Variants in NARS2 observed in about 807,000 individuals in gnomAD.
NARS2 encodes asparaginyl-tRNA synthetase.
NARS2 carries 60 observed loss-of-function variants against 62.9 expected under a neutral mutation model. The observed-to-expected ratio is 0.95, with a 90% confidence interval of 0.77 to 1.18. NARS2 has a LOEUF of 1.18. Among genes scored for constraint, NARS2 ranks in the 50% most tolerant of loss-of-function variants. The pLI, the probability that NARS2 is intolerant of heterozygous loss-of-function variation, is 0.00. For synonymous variants in NARS2, 196 were observed against 200.0 expected (o/e 0.98, Z 0.17); for missense variants, 619 against 576.4 (o/e 1.07, Z -0.76).
In NARS2 at chr11:78,574,440, C is replaced by T. The variant is rs747408900; in HGVS notation, c.49G>A (p.Ala17Thr). The T allele has an allele frequency of 9.3e-6, 15 of 1,614,008 alleles. No homozygotes were observed. Among genetic ancestry groups the T allele is most frequent in the Non-Finnish European group, 1.2e-5 (14 of 1,180,024 alleles). The change falls in exon 1 of 14, where the codon GCC becomes ACC. Residue 17 changes from alanine to threonine, a missense_variant. Ala to Thr is a moderately conservative substitution (Grantham distance 58). Coordinates refer to ENST00000281038, the MANE Select transcript of NARS2 (RefSeq NM_024678.6). ...LLRSVRFCSSAPFPKHKPSAK... is the reference protein window; with the variant it reads ...LLRSVRFCSSTPFPKHKPSAK... ...GAAGGTTTGTGCTTGGGGAAGGGGG[C>T]GGAGGAACAGAAGCGCACGGACCGC...
At chr11:78,498,555 T>C (rs1219779338) in intron 6 of NARS2, among the ~76,000 whole-genome samples, 1 of 152,088 alleles carries the variant, frequency 6.6e-6, no homozygotes, top group Admixed American at 6.6e-5. Context: ...AAAGTATATA[T>C]CCATCTGCTT....
chr11:78,573,716 CTCATT>C (rs1263593658), intron 1 of NARS2, among the ~76,000 whole-genome samples: 1 of 152,148 alleles, frequency 6.6e-6, no homozygotes, highest in East Asian at 1.9e-4. Flanking sequence ...CTTCCATTAC[CTCATT>C]TAATTTTCAG....
chr11:78,480,524 G>T (rs7930329), intron 7 of NARS2, among the ~76,000 whole-genome samples: 2 of 151,576 alleles, frequency 1.3e-5, no homozygotes, highest in East Asian at 3.9e-4. Flanking sequence ...TAAAGTGTGG[G>T]GATTATAGGT....
intron 5 of NARS2, among the ~76,000 whole-genome samples, chr11:78,550,295 G>A (rs968987898): frequency 4.6e-5 from 7 of 152,122 alleles, no homozygotes; most frequent in African/African-American, 1.7e-4. Context: ...ACTTTCTATT[G>A]TTCTGTTTCA....
chr11:78,525,681 C>A (rs1020829672), intron 6 of NARS2, among the ~76,000 whole-genome samples: 1 of 152,134 alleles, frequency 6.6e-6, no homozygotes, highest in Non-Finnish European at 1.5e-5. Context: ...TCTTCCCAAA[C>A]CCCCATCCCC....
At chr11:78,538,399 C>G (rs939717695) in intron 5 of NARS2, among the ~76,000 whole-genome samples, 1 of 152,048 alleles carries the variant, frequency 6.6e-6, no homozygotes, top group African/African-American at 2.4e-5. Flanking sequence ...CATAAGCTCT[C>G]AAAGAGCTTA....
chr11:78,568,868 G>T, intron 2 of NARS2, 116 bp from the exon 3 acceptor site: 1 of 748,390 alleles, frequency 1.3e-6, no homozygotes, highest in Non-Finnish European at 2.1e-6. Flanking sequence ...TACCCTTATT[G>T]GGTTAAATAA....
At chr11:78,543,416 C>CA in intron 5 of NARS2, among the ~76,000 whole-genome samples, 1 of 152,194 alleles carries the variant, frequency 6.6e-6, no homozygotes, top group South Asian at 2.1e-4. Flanking sequence ...AGTATAAACT[C>CA]AAAAAACTTT....
chr11:78,449,736 G>A (rs1441446192), intron 11 of NARS2, among the ~76,000 whole-genome samples: 1 of 152,068 alleles, frequency 6.6e-6, no homozygotes, highest in Non-Finnish European at 1.5e-5. Flanking sequence ...GTGGGATATT[G>A]AGAAGCATAA....
Position 78,436,769 on chromosome 11 carries a change from A to C in NARS2, c.1335T>G (p.Phe445Leu), listed in dbSNP as rs1224601174. The part of the protein sequence containing the change: ...RRFGSVPHGG[F>L]GMGFERYLQC... The stretch of plus-strand genomic sequence containing the variant: ...GCAGGTAGCGTTCAAATCCCATCCC[A>C]AAACCTCCATGTGGCACAGATCCAA... The change falls in exon 14 of 14, where the codon TTT (phenylalanine) becomes TTG (leucine). Residue 445 changes from phenylalanine to leucine, a missense_variant. Transcript: ENST00000281038. The C allele has an allele frequency of 1.9e-6, 3 of 1,614,194 alleles. No homozygotes were observed. Among genetic ancestry groups the C allele is most frequent in the South Asian group, 2.2e-5 (2 of 91,076 alleles).
intron 6 of NARS2, among the ~76,000 whole-genome samples, chr11:78,523,946 A>G (rs1416097460): frequency 6.6e-6 from 1 of 152,148 alleles, no homozygotes; most frequent in Non-Finnish European, 1.5e-5. Flanking sequence ...AAAATATGCT[A>G]AAACCCACTG....
intron 6 of NARS2, among the ~76,000 whole-genome samples, chr11:78,501,797 A>C (rs1199548177): frequency 1.3e-5 from 2 of 152,246 alleles, no homozygotes; most frequent in African/African-American, 4.8e-5. Context: ...GCTGCTCAAT[A>C]AATTAAACAT....
At chr11:78,544,880 T>C (rs1272303527) in intron 5 of NARS2, among the ~76,000 whole-genome samples, 1 of 150,844 alleles carries the variant, frequency 6.6e-6, no homozygotes, top group Non-Finnish European at 1.5e-5. Context: ...CTCAGGAGGC[T>C]GAGGCAGAAG....
intron 6 of NARS2, among the ~76,000 whole-genome samples, chr11:78,527,191 A>G (rs2135424045): frequency 1.3e-5 from 2 of 152,290 alleles, no homozygotes; most frequent in East Asian, 3.9e-4. Flanking sequence ...TCTTATTCCA[A>G]CTATTAAAAT....
In NARS2 at chr11:78,443,660, C is replaced by A; in HGVS notation, c.1262+1G>T. On this transcript the variant is annotated splice_donor_variant, in intron 12 of 13. Transcript: ENST00000281038. LOFTEE classifies it high-confidence loss of function. Reference sequence around the variant, plus strand: ...GTGTTTCTTTTAGGTCTGACCAGTACCTGGCTAAGCGCTCCTCTAAGAAAT... The same window carrying A: ...GTGTTTCTTTTAGGTCTGACCAGTAACTGGCTAAGCGCTCCTCTAAGAAAT... 2 of 1,607,988 alleles carry A rather than the reference C, an allele frequency of 1.2e-6. No homozygotes were observed. Among genetic ancestry groups the A allele is most frequent in the Non-Finnish European group, 1.7e-6 (2 of 1,174,620 alleles).
chr11:78,572,575 A>G (rs1205768740), intron 1 of NARS2, among the ~76,000 whole-genome samples: 2 of 152,166 alleles, frequency 1.3e-5, no homozygotes. Context: ...ACCTCATGCA[A>G]GATATCTTCC....
chr11:78,490,533 G>A (rs1299829180), intron 7 of NARS2, among the ~76,000 whole-genome samples: 5 of 152,126 alleles, frequency 3.3e-5, no homozygotes, highest in Non-Finnish European at 7.4e-5. Context: ...AAGAGAAAAT[G>A]AGGCTGGGCA....
chr11:78,511,163 G>A (rs1860707299), intron 6 of NARS2, among the ~76,000 whole-genome samples: 1 of 152,062 alleles, frequency 6.6e-6, no homozygotes, highest in African/African-American at 2.4e-5. Flanking sequence ...CTGCAGCCTT[G>A]ACCTCCTAGG....
chr11:78,469,837 A>C (rs1277350960), intron 9 of NARS2, among the ~76,000 whole-genome samples: 1 of 152,158 alleles, frequency 6.6e-6, no homozygotes, highest in East Asian at 1.9e-4. Flanking sequence ...TATTCGTGCT[A>C]TGAAGAAAAA....
Sources: allele counts gnomAD v4.1 joint callset (sites outside exome capture counted in the v4.1 genomes callset), GRCh38; gene constraint gnomAD v4.1.1; transcripts MANE v1.5; gene names NCBI Gene and HGNC (gene_info 2026-07-23, HGNC 2026-07-21).